MLLT10: variants seen among roughly 807,000 people sequenced by gnomAD.
The protein encoded by MLLT10 is MLLT10 histone lysine methyltransferase DOT1L cofactor, also known as protein AF-10.
In MLLT10, 30 loss-of-function variants were observed where a neutral mutation model predicts 129.1. The ratio of observed to expected loss-of-function variants is 0.23; its 90% CI spans 0.17 to 0.32. The LOEUF (loss-of-function observed/expected upper bound fraction) is 0.32. Ranked by LOEUF, MLLT10 falls within the 10% of genes least tolerant of loss-of-function variation. The pLI, the probability that MLLT10 is intolerant of heterozygous loss-of-function variation, is 1.00. For synonymous variants in MLLT10, 490 were observed against 446.4 expected, an observed-to-expected ratio of 1.10 and a Z score of -1.23; for missense variants, 1,119 against 1,268.3, an observed-to-expected ratio of 0.88 and a Z score of 1.79.
intron 3 of MLLT10, among the ~76,000 whole-genome samples, chr10:21,540,650 C>CA (rs2034984717): frequency 1.3e-5 from 2 of 152,140 alleles, no homozygotes; most frequent in African/African-American, 4.8e-5. Flanking sequence ...ATTAGTTATG[C>CA]AAACCTACCA....
intron 9 of MLLT10, among the ~76,000 whole-genome samples, chr10:21,665,293 G>GT (rs1419621396): frequency 6.6e-4 from 43 of 65,442 alleles, no homozygotes; most frequent in South Asian, 2.2e-3. Context: ...TTGTTTGTTT[G>GT]TTTTTTTTGG....
chr10:21,573,327 C>A (rs568276137), intron 3 of MLLT10, among the ~76,000 whole-genome samples: 8 of 152,176 alleles, frequency 5.3e-5, no homozygotes, highest in Admixed American at 5.2e-4. Flanking sequence ...TTAGATATGG[C>A]AAGGCCAACA....
intron 3 of MLLT10, among the ~76,000 whole-genome samples, chr10:21,549,121 C>T (rs994274944): frequency 6.9e-5 from 9 of 130,384 alleles, no homozygotes; most frequent in Admixed American, 2.4e-4. Context: ...GGAGCTTATT[C>T]CTTTTTTTTT....
intron 16 of MLLT10, among the ~76,000 whole-genome samples, chr10:21,728,409 G>A (rs537545772): frequency 1.3e-5 from 2 of 152,204 alleles, no homozygotes; most frequent in Admixed American, 6.5e-5. Flanking sequence ...CAAGTTTTTT[G>A]AAATCATTTT....
chr10:21,636,953 T>C (rs1276299855), intron 8 of MLLT10, among the ~76,000 whole-genome samples: 1 of 152,224 alleles, frequency 6.6e-6, no homozygotes, highest in Non-Finnish European at 1.5e-5. Context: ...GCTGAAGTCA[T>C]GGAAAGCCAT....
chr10:21,609,812 TCTTA>T (rs565151023), intron 5 of MLLT10, among the ~76,000 whole-genome samples: 75 of 152,324 alleles, frequency 4.9e-4, no homozygotes, highest in African/African-American at 1.4e-3. Context: ...TTCTTTTTTT[TCTTA>T]CTTGTTTTTG....
At position 21,713,847 on chromosome 10, in the gene MLLT10, C is replaced by G. The variant is rs780736206; in HGVS notation, c.1775C>G (p.Ser592Cys). The stretch of plus-strand genomic sequence containing the variant: ...GGCTCGGGATCTAGTACTCCTGTCT[C>G]CAGCTCTCACTTACCTCAGCAGTCT... ...VSGSGSSTPVSSSHLPQQSSG... is the reference protein window; with the variant it reads ...VSGSGSSTPVCSSHLPQQSSG... Residue 592 changes from serine (S) to cysteine (C), a missense_variant, in exon 14 of 23, where the codon TCC (serine) becomes TGC (cysteine). Ser to Cys is a moderately radical substitution (Grantham distance 112). Transcript: ENST00000307729. The G allele has an allele frequency of 6.2e-7, 1 of 1,614,004 alleles. No homozygotes were observed. Among genetic ancestry groups the G allele is most frequent in the Admixed American group, 1.7e-5 (1 of 60,002 alleles).
At chr10:21,682,018 T>A (rs2052789280) in intron 12 of MLLT10, among the ~76,000 whole-genome samples, 1 of 152,196 alleles carries the variant, frequency 6.6e-6, no homozygotes, top group Non-Finnish European at 1.5e-5. Flanking sequence ...CTCAATTTAG[T>A]TGGTAATATG....
At chr10:21,598,090 A>ATGGC (rs1187690075) in intron 5 of MLLT10, among the ~76,000 whole-genome samples, 1 of 152,210 alleles carries the variant, frequency 6.6e-6, no homozygotes, top group Non-Finnish European at 1.5e-5. Context: ...ACTAGGATTG[A>ATGGC]TGGCAAGTAG....
intron 3 of MLLT10, among the ~76,000 whole-genome samples, chr10:21,541,059 CTG>C (rs1485507010): frequency 6.6e-6 from 1 of 152,012 alleles, no homozygotes; most frequent in Non-Finnish European, 1.5e-5. Context: ...ACTTGGGAGA[CTG>C]AGGCAGGAGA....
chr10:21,569,490 G>C (rs1011690690), intron 3 of MLLT10, among the ~76,000 whole-genome samples: 1 of 150,444 alleles, frequency 6.6e-6, no homozygotes, highest in South Asian at 2.1e-4. Context: ...GCGTGATCTC[G>C]GCTCACTGCA....
In MLLT10 at chr10:21,576,631, A is replaced by AT. The variant is rs772463822; in HGVS notation, c.241-9647dup. 1.5e-3 allele frequency among the ~76,000 whole-genome samples: 207 copies of AT among 138,246 alleles called. 1 individual carries two copies. In the Middle Eastern group the frequency reaches 0.017, roughly 12 times the overall value. 90.7% of individuals were successfully genotyped at this position (138,246 alleles called of 152,430 possible). On this transcript the variant is annotated intron_variant, in intron 3 of 22. Transcript: ENST00000307729. ...ACTTTTCTATCCGTGCTAATACACAATTTTTTTTTTTTTTTTGAGTTGGAG... is the reference window on the plus strand; with the variant it reads ...ACTTTTCTATCCGTGCTAATACACAATTTTTTTTTTTTTTTTTGAGTTGGAG...
chr10:21,582,101 A>C (rs2041520403), intron 3 of MLLT10, among the ~76,000 whole-genome samples: 1 of 151,682 alleles, frequency 6.6e-6, no homozygotes. Context: ...TTCTTATAGT[A>C]CATTGTTATT....
At chr10:21,575,074 C>T (rs770533789) in intron 3 of MLLT10, among the ~76,000 whole-genome samples, 2 of 152,062 alleles carry the variant, frequency 1.3e-5, no homozygotes, top group Non-Finnish European at 2.9e-5. Context: ...TTCTCTGTTA[C>T]TTTTCTTTTC....
intron 3 of MLLT10, among the ~76,000 whole-genome samples, chr10:21,552,414 G>T (rs2037223079): frequency 7.7e-6 from 1 of 129,062 alleles, no homozygotes; most frequent in Non-Finnish European, 1.6e-5. Flanking sequence ...TTTTGAGATG[G>T]AGTTTTGCTT....
intron 8 of MLLT10, among the ~76,000 whole-genome samples, chr10:21,617,581 T>C (rs2045388898): frequency 6.6e-6 from 1 of 152,174 alleles, no homozygotes; most frequent in African/African-American, 2.4e-5. Context: ...ATAGAACAAT[T>C]TTGAAGTTCT....
intron 22 of MLLT10, 84 bp from the exon 23 acceptor site, chr10:21,741,840 CTTTCTATACCACATT>C: frequency 7.6e-7 from 1 of 1,316,544 alleles, no homozygotes; most frequent in Non-Finnish European, 1.1e-6. Flanking sequence ...AAGGGAGTAA[CTTTCTATACCACATT>C]TTATCTCAGT....
chr10:21,629,158 G>A (rs2046769672), intron 8 of MLLT10, among the ~76,000 whole-genome samples: 1 of 151,900 alleles, frequency 6.6e-6, no homozygotes, highest in African/African-American at 2.4e-5. Context: ...ATGTGACATG[G>A]CACCTAGCTT....
intron 3 of MLLT10, among the ~76,000 whole-genome samples, chr10:21,584,791 A>G (rs2131087937): frequency 6.6e-6 from 1 of 151,820 alleles, no homozygotes; most frequent in East Asian, 1.9e-4. Context: ...GTGTGTATAT[A>G]TATATAATGT....
Sources: allele counts gnomAD v4.1 joint callset (sites outside exome capture counted in the v4.1 genomes callset), GRCh38; gene constraint gnomAD v4.1.1; transcripts MANE v1.5; gene names NCBI Gene and HGNC (gene_info 2026-07-23, HGNC 2026-07-21).